The following FRY variants were observed in gnomAD, a reference collection of about 807,000 sequenced individuals.
The protein encoded by FRY is protein furry homolog.
FRY carries 128 observed loss-of-function variants against 348.4 expected under a neutral mutation model. That is an observed-to-expected ratio of 0.37 (90% CI 0.32 to 0.43). The LOEUF is 0.43. FRY is among the 20% of genes least tolerant of loss of function. FRY has a pLI of 1.00. For missense variants in FRY, 2,736 were observed against 3,695.2 expected, an observed-to-expected ratio of 0.74 and a Z score of 6.73; for synonymous variants, 1,370 against 1,374.7, an observed-to-expected ratio of 1.00 and a Z score of 0.08.
intron 1 of FRY, among the ~76,000 whole-genome samples, chr13:32,036,389 G>A (rs1872515640): frequency 6.6e-6 from 1 of 151,888 alleles, no homozygotes; most frequent in Admixed American, 6.6e-5. Flanking sequence ...ACAGCTCTAA[G>A]GAAAAATAAA....
At chr13:32,165,161 T>G (rs548956428) in intron 17 of FRY, among the ~76,000 whole-genome samples, 7 of 152,342 alleles carry the variant, frequency 4.6e-5, no homozygotes, top group Non-Finnish European at 1.0e-4. Flanking sequence ...CCAAATGTCA[T>G]TGGTTTTATG....
In FRY at chr13:32,127,505, C is replaced by T. The variant is rs531251520; in HGVS notation, c.716+2630C>T. On this transcript the variant is annotated intron_variant, in intron 7 of 60. Transcript: ENST00000542859. Reference sequence around the variant, plus strand: ...ACTTTTAAAAATAAAAGTCTGAGTGCGGTGGCTCACACCTGTAATTCCATC... The same window carrying T: ...ACTTTTAAAAATAAAAGTCTGAGTGTGGTGGCTCACACCTGTAATTCCATC... Among the ~76,000 whole-genome samples the T allele has an allele frequency of 4.9e-4, 75 of 152,188 alleles. No individual in the cohort carries two copies. In the South Asian group the frequency reaches 7.5e-3, roughly 15 times the overall value.
At chr13:32,189,829 G>T (rs1017415347) in intron 28 of FRY, among the ~76,000 whole-genome samples, 16 of 151,900 alleles carry the variant, frequency 1.1e-4, no homozygotes, top group African/African-American at 3.9e-4. Flanking sequence ...ACAAGAAAAG[G>T]TTGTAGCAAG....
chr13:32,042,370 TA>T (rs879940820), intron 1 of FRY, among the ~76,000 whole-genome samples: 1 of 152,260 alleles, frequency 6.6e-6, no homozygotes, highest in Non-Finnish European at 1.5e-5. Context: ...ACATAGAACA[TA>T]TTTTTTCCAT....
At chr13:32,077,195 G>T (rs1483258106) in intron 1 of FRY, among the ~76,000 whole-genome samples, 6 of 152,136 alleles carry the variant, frequency 3.9e-5, no homozygotes, top group African/African-American at 1.2e-4. Context: ...ACTACTAAAG[G>T]CCCTCAAAAC....
intron 5 of FRY, 33 bp from the exon 6 acceptor site, chr13:32,124,569 C>A: frequency 8.0e-7 from 1 of 1,246,984 alleles, no homozygotes; most frequent in Non-Finnish European, 1.2e-6. Context: ...TTTAATATTC[C>A]CTTCTGAGTT....
At chr13:32,192,376 G>A (rs930278543) in intron 28 of FRY, among the ~76,000 whole-genome samples, 1 of 151,956 alleles carries the variant, frequency 6.6e-6, no homozygotes, top group Admixed American at 6.6e-5. Context: ...GCAGTGGCGC[G>A]ATCTCGGCTC....
At position 32,178,281 on chromosome 13, in the gene FRY, G is replaced by A; in HGVS notation, c.2526G>A (p.Trp842Ter). 6.2e-7 allele frequency: 1 copy of A among 1,614,156 alleles called. No homozygotes were observed. Among genetic ancestry groups the A allele is most frequent in the Non-Finnish European group, 8.5e-7 (1 of 1,180,016 alleles). Residue 842 changes from tryptophan (W) to a stop codon, truncating the protein, a stop_gained, in exon 21 of 61, where the codon TGG becomes TGA. Transcript: ENST00000542859. LOFTEE classifies it high-confidence loss of function. Reference sequence around the variant, plus strand: ...ATGTGAAAAGCCCTTCCCATGTCTGGATATTTGCACAGTCTGTCAAAGACC... The same window carrying A: ...ATGTGAAAAGCCCTTCCCATGTCTGAATATTTGCACAGTCTGTCAAAGACC... ...HYDVKSPSHVWIFAQSVKDPW... is the reference protein window; with the variant it reads ...HYDVKSPSHV
chr13:32,133,261 A>G (rs1879485641), intron 8 of FRY, among the ~76,000 whole-genome samples: 1 of 152,192 alleles, frequency 6.6e-6, no homozygotes, highest in Non-Finnish European at 1.5e-5. Context: ...TCGGGTTTGA[A>G]TTCAAGCTCT....
chr13:32,238,105 G>T lies in FRY; in HGVS notation c.6418+119G>T. On this transcript the variant is annotated intron_variant, in intron 44 of 60. Transcript: ENST00000542859. ...AATTCTGCTTAAAAATGGTTCCTTG[G>T]GAGTAGTTTATTTTTTCTCATAAAA... 3.7e-6 allele frequency: 4 copies of T among 1,076,564 alleles called. No individual in the cohort carries two copies. In the Middle Eastern group the frequency reaches 6.1e-4, roughly 163 times the overall value. The allele number at this position is 1,076,564 out of a possible 1,614,324, so 66.7% of individuals were successfully genotyped here. A position where few individuals can be genotyped will look rare whatever the true frequency, so the allele number is the denominator to read the frequency against.
intron 53 of FRY, among the ~76,000 whole-genome samples, chr13:32,264,842 CA>C (rs1887837390): frequency 6.6e-6 from 1 of 152,202 alleles, no homozygotes; most frequent in African/African-American, 2.4e-5. Context: ...AAAGACCGAG[CA>C]ACCCAGCAGG....
intron 41 of FRY, among the ~76,000 whole-genome samples, chr13:32,234,119 CAAAAA>C (rs11322238): frequency 3.9e-5 from 3 of 76,198 alleles, no homozygotes; most frequent in Non-Finnish European, 4.8e-5. Context: ...ACCCTGTTTC[CAAAAA>C]AAAAAAAAAA....
At chr13:32,209,309 T>G (rs908794769) in intron 32 of FRY, among the ~76,000 whole-genome samples, 200 bp downstream of exon 32, 2 of 152,176 alleles carry the variant, frequency 1.3e-5, no homozygotes, top group Non-Finnish European at 2.9e-5. Context: ...TGGTAAACTT[T>G]ATGTTATGCG....
intron 10 of FRY, 76 bp downstream of exon 10, chr13:32,135,259 G>C: frequency 1.1e-6 from 1 of 898,418 alleles, no homozygotes; most frequent in Non-Finnish European, 1.8e-6. Context: ...ATCTGTTTGA[G>C]GATCCTAAGG....
At chr13:32,285,628 T>C (rs1451665389) in intron 58 of FRY, among the ~76,000 whole-genome samples, 1 of 152,236 alleles carries the variant, frequency 6.6e-6, no homozygotes, top group Non-Finnish European at 1.5e-5. Flanking sequence ...TAACCTCGTT[T>C]TGGAAAGCAA....
chr13:32,198,798 T>G (rs1883839569), intron 29 of FRY, among the ~76,000 whole-genome samples: 1 of 152,170 alleles, frequency 6.6e-6, no homozygotes, highest in Non-Finnish European at 1.5e-5. Flanking sequence ...TAGACTGTGT[T>G]TATTTAAAAA....
At chr13:32,218,490 C>A (rs1390528949) in intron 35 of FRY, among the ~76,000 whole-genome samples, 4 of 152,036 alleles carry the variant, frequency 2.6e-5, no homozygotes, top group Non-Finnish European at 5.9e-5. Context: ...ACCAGCCTGG[C>A]TAACATGGTG....
At chr13:32,258,043 T>C (rs1384093028) in intron 51 of FRY, 1 of 1,237,588 alleles carries the variant, frequency 8.1e-7, no homozygotes, top group African/African-American at 1.5e-5. Context: ...TATAACAACA[T>C]AATTGCTTTT....
At chr13:32,133,925 G>A (rs1879538462) in intron 8 of FRY, among the ~76,000 whole-genome samples, 1 of 151,796 alleles carries the variant, frequency 6.6e-6, no homozygotes, top group African/African-American at 2.4e-5. Flanking sequence ...GACTACGGGT[G>A]CCGCCATCAT....
Sources: gnomAD v4.1 joint callset for allele counts (sites outside exome capture counted in the v4.1 genomes callset) on GRCh38, gnomAD v4.1.1 for gene constraint, MANE v1.5 for transcripts, NCBI Gene and HGNC (gene_info 2026-07-23, HGNC 2026-07-21) for gene names.